Variants in NRG3 observed in about 807,000 individuals in gnomAD.
The protein encoded by NRG3 is pro-neuregulin-3, membrane-bound isoform.
In NRG3, 31 loss-of-function variants were observed where a neutral mutation model predicts 66.9. That is an observed-to-expected ratio of 0.46 (90% confidence interval 0.35 to 0.63). The LOEUF (loss-of-function observed/expected upper bound fraction) is 0.63. Among genes scored for constraint, NRG3 ranks in the 20% least tolerant of loss-of-function variants. NRG3 has a pLI of 0.00. For missense variants in NRG3, 910 were observed against 878.9 expected, an observed-to-expected ratio of 1.04 and a Z score of -0.45; for synonymous variants, 393 against 359.4, an observed-to-expected ratio of 1.09 and a Z score of -1.06.
At chr10:82,440,974 G>A (rs79684258) in intron 2 of NRG3, among the ~76,000 whole-genome samples, 5,971 of 152,200 alleles carry the variant, frequency 0.039, 123 homozygotes, top group South Asian at 0.048. Context: ...ACATATTTTG[G>A]ATTTCTTCCC....
intron 1 of NRG3, among the ~76,000 whole-genome samples, chr10:82,060,455 A>G (rs2064083156): frequency 1.3e-5 from 2 of 152,192 alleles, no homozygotes; most frequent in African/African-American, 4.8e-5. Flanking sequence ...ATTTTTTGAC[A>G]GTTCTGTTCT....
intron 3 of NRG3, among the ~76,000 whole-genome samples, chr10:82,741,122 C>T (rs1319567023): frequency 1.3e-5 from 2 of 152,046 alleles, no homozygotes; most frequent in African/African-American, 4.8e-5. Flanking sequence ...TGAGACACAG[C>T]TTAAATGGAA....
At chr10:82,628,884 TAAG>T (rs1316316981) in intron 2 of NRG3, among the ~76,000 whole-genome samples, 1 of 152,140 alleles carries the variant, frequency 6.6e-6, no homozygotes, top group Admixed American at 6.6e-5. Context: ...GGCTCAATAT[TAAG>T]AAGAATATAA....
At chr10:82,765,195 A>T (rs2059469902) in intron 3 of NRG3, among the ~76,000 whole-genome samples, 1 of 152,156 alleles carries the variant, frequency 6.6e-6, no homozygotes, top group Admixed American at 6.5e-5. Flanking sequence ...TTAACTAAGT[A>T]AGAAAATAAT....
intron 1 of NRG3, among the ~76,000 whole-genome samples, chr10:82,211,073 A>T (rs1333547732): frequency 6.6e-6 from 1 of 152,302 alleles, no homozygotes; most frequent in East Asian, 1.9e-4. Flanking sequence ...GTTAATATTT[A>T]TTGGATTCCT....
chr10:82,085,102 T>G (rs12268612), intron 1 of NRG3, among the ~76,000 whole-genome samples: 4,167 of 152,216 alleles, frequency 0.027, 216 homozygotes, highest in African/African-American at 0.096. Flanking sequence ...AAGGGGCCTC[T>G]AGTGGCCAAA....
At chr10:81,920,542 T>C (rs1846160657) in intron 1 of NRG3, among the ~76,000 whole-genome samples, 1 of 152,216 alleles carries the variant, frequency 6.6e-6, no homozygotes, top group South Asian at 2.1e-4. Context: ...TTGTGAACTT[T>C]TCAAGCTTTT....
intron 1 of NRG3, among the ~76,000 whole-genome samples, chr10:82,222,815 A>T (rs192690931): frequency 3.3e-5 from 5 of 152,118 alleles, no homozygotes; most frequent in Non-Finnish European, 5.9e-5. Context: ...CAGTGCCCCA[A>T]TGTGGATTTC....
At chr10:82,939,179 A>G (rs1848350370) in intron 4 of NRG3, among the ~76,000 whole-genome samples, 1 of 152,192 alleles carries the variant, frequency 6.6e-6, no homozygotes, top group Admixed American at 6.5e-5. Context: ...ATAGTCAGCC[A>G]GAGATGCACT....
intron 1 of NRG3, among the ~76,000 whole-genome samples, chr10:82,302,684 T>C (rs1435644154): frequency 1.3e-5 from 2 of 152,182 alleles, no homozygotes; most frequent in Non-Finnish European, 2.9e-5. Context: ...TAATGAAGGA[T>C]ATCCCAAGAG....
chr10:82,304,810 T>TA (rs1444424027), intron 1 of NRG3, among the ~76,000 whole-genome samples: 1 of 152,084 alleles, frequency 6.6e-6, no homozygotes, highest in East Asian at 1.9e-4. Context: ...TTTAGCCATA[T>TA]AATGTAATCC....
chr10:82,527,043 T>A (rs1846769694), intron 2 of NRG3, among the ~76,000 whole-genome samples: 1 of 152,046 alleles, frequency 6.6e-6, no homozygotes, highest in South Asian at 2.1e-4. Context: ...CTTGAGAATA[T>A]CATGAAATTG....
chr10:82,260,490 C>T (rs1037299107), intron 1 of NRG3, among the ~76,000 whole-genome samples: 3 of 152,162 alleles, frequency 2.0e-5, no homozygotes, highest in Admixed American at 6.5e-5. Flanking sequence ...TGGGAAATAA[C>T]ATGACAATGA....
At chr10:82,532,503 A>G (rs1218837546) in intron 2 of NRG3, among the ~76,000 whole-genome samples, 1 of 147,894 alleles carries the variant, frequency 6.8e-6, no homozygotes, top group Non-Finnish European at 1.5e-5. Context: ...ATAGTACTAT[A>G]TACATCTATA....
chr10:82,090,872 A>G (rs2065987779), intron 1 of NRG3, among the ~76,000 whole-genome samples: 1 of 152,176 alleles, frequency 6.6e-6, no homozygotes, highest in South Asian at 2.1e-4. Context: ...GTACACTTAC[A>G]TTATGTGTTG....
chr10:82,454,001 C>T (rs2091155567), intron 2 of NRG3, among the ~76,000 whole-genome samples: 1 of 152,184 alleles, frequency 6.6e-6, no homozygotes, highest in African/African-American at 2.4e-5. Flanking sequence ...GAATCCAAAG[C>T]TCTCTTTCAT....
intron 3 of NRG3, among the ~76,000 whole-genome samples, chr10:82,752,588 A>G (rs769816689): frequency 3.2e-4 from 49 of 152,206 alleles, no homozygotes; most frequent in Admixed American, 5.9e-4. Context: ...CATTCATTGC[A>G]TATAGCATAA....
At chr10:82,047,498 C>T (rs2063358343) in intron 1 of NRG3, among the ~76,000 whole-genome samples, 1 of 151,832 alleles carries the variant, frequency 6.6e-6, no homozygotes, top group Admixed American at 6.6e-5. Flanking sequence ...TCCAGCCAAA[C>T]TAAGCTTCAT....
At chr10:82,796,353 T>A (rs1397752420) in intron 3 of NRG3, among the ~76,000 whole-genome samples, 1 of 152,084 alleles carries the variant, frequency 6.6e-6, no homozygotes, top group Non-Finnish European at 1.5e-5. Flanking sequence ...ATTGGAAGCC[T>A]GTCAAGTCCA....
Sources: gnomAD v4.1 joint callset for allele counts (sites outside exome capture counted in the v4.1 genomes callset) on GRCh38, gnomAD v4.1.1 for gene constraint, MANE v1.5 for transcripts, NCBI Gene and HGNC (gene_info 2026-07-23, HGNC 2026-07-21) for gene names.